TMC1: variants seen among roughly 807,000 people sequenced by gnomAD.
The protein encoded by TMC1 is transmembrane channel like 1.
In TMC1, 84 loss-of-function variants were observed where a neutral mutation model predicts 105.8. That is an observed-to-expected ratio of 0.79 (90% CI 0.67 to 0.95). TMC1 has a LOEUF of 0.95. Ranked by LOEUF, TMC1 falls within the 40% of genes least tolerant of loss-of-function variation. The pLI is 0.00. For missense variants in TMC1, 817 were observed against 914.1 expected, an observed-to-expected ratio of 0.89 and a Z score of 1.37; for synonymous variants, 315 against 311.5, an observed-to-expected ratio of 1.01 and a Z score of -0.12.
At chr9:72,659,492 G>A (rs1279160264) in intron 5 of TMC1, among the ~76,000 whole-genome samples, 4 of 152,158 alleles carry the variant, frequency 2.6e-5, no homozygotes, top group Non-Finnish European at 1.5e-5. Context: ...AAATTAGCCA[G>A]GTGTGGTGGC....
chr9:72,668,839 T>C (rs927205462), intron 5 of TMC1, among the ~76,000 whole-genome samples: 2 of 152,228 alleles, frequency 1.3e-5, no homozygotes, highest in African/African-American at 2.4e-5. Flanking sequence ...CACAGGGCTA[T>C]GTTTTATAAC....
At chr9:72,704,183 C>G (rs1826693993) in intron 8 of TMC1, among the ~76,000 whole-genome samples, 1 of 152,044 alleles carries the variant, frequency 6.6e-6, no homozygotes, top group Non-Finnish European at 1.5e-5. Context: ...TTAATATTCC[C>G]CAAATTAGCC....
chr9:72,787,387 A>G lies in TMC1; in HGVS notation c.885-952A>G, dbSNP rs185986863. 1.2e-3 allele frequency among the ~76,000 whole-genome samples: 188 copies of G among 152,306 alleles called. 1 individual carries two copies. Among genetic ancestry groups the G allele is most frequent in the African/African-American group, 4.3e-3 (180 of 41,570 alleles). On this transcript the variant is annotated intron_variant, in intron 13 of 23. Coordinates refer to ENST00000297784, the MANE Select transcript of TMC1 (RefSeq NM_138691.3). ...TGTGGCTAATAGTGGGGGAATGTAG[A>G]TGATCTAGAGATACCGGTCAACCTA... is the stretch of plus-strand genomic sequence containing the variant.
chr9:72,826,836 A>G (rs755388902), intron 20 of TMC1, 33 bp from the exon 21 acceptor site: 3 of 1,612,484 alleles, frequency 1.9e-6, no homozygotes, highest in Admixed American at 1.7e-5. Flanking sequence ...TATGTTCTTA[A>G]TAAACTTATC....
At chr9:72,579,687 T>C (rs1824444120) in intron 2 of TMC1, among the ~76,000 whole-genome samples, 1 of 152,172 alleles carries the variant, frequency 6.6e-6, no homozygotes, top group Non-Finnish European at 1.5e-5. Flanking sequence ...TATTCAATCT[T>C]CACAACAGTC....
chr9:72,657,053 A>T (rs1825895218), intron 5 of TMC1, among the ~76,000 whole-genome samples: 1 of 152,244 alleles, frequency 6.6e-6, no homozygotes, highest in Non-Finnish European at 1.5e-5. Context: ...GTTACCACAC[A>T]TCTATGCACA....
chr9:72,805,136 T>C, intron 17 of TMC1: 1 of 379,236 alleles, frequency 2.6e-6, no homozygotes, highest in Non-Finnish European at 4.8e-6. Flanking sequence ...TCTCGTATCA[T>C]GTTTATGAAA....
intron 1 of TMC1, among the ~76,000 whole-genome samples, chr9:72,571,987 C>T (rs1159658542): frequency 6.6e-6 from 1 of 151,920 alleles, no homozygotes; most frequent in Non-Finnish European, 1.5e-5. Flanking sequence ...CAGGCATGTA[C>T]TACCACACTC....
At chr9:72,637,282 C>A (rs17058052) in intron 4 of TMC1, among the ~76,000 whole-genome samples, 14,604 of 151,112 alleles carry the variant, frequency 0.097, 853 homozygotes, top group African/African-American at 0.15. Context: ...AGAAGTCTAC[C>A]ATAGAGATCC....
At chr9:72,711,989 C>T (rs1826845020) in intron 8 of TMC1, among the ~76,000 whole-genome samples, 1 of 152,164 alleles carries the variant, frequency 6.6e-6, no homozygotes, top group Non-Finnish European at 1.5e-5. Flanking sequence ...CTGCATATGG[C>T]TAGCCAGTTT....
Position 72,700,543 on chromosome 9 carries a change from GA to G in TMC1, c.264del (p.Glu88AspfsTer5). ...GAEEEEIDEE[E>X]LERLKAELDE... is the part of the protein sequence containing the mutation. ...AGAAGAAGAAGAAATTGATGAAGAGGAATTGGAAAGATTGAAGGCAGAGTTA... is the reference window on the plus strand; with the variant it reads ...AGAAGAAGAAGAAATTGATGAAGAGGATTGGAAAGATTGAAGGCAGAGTTA... On this transcript the variant is annotated frameshift_variant, in exon 8 of 24. Coordinates refer to ENST00000297784, the MANE Select transcript of TMC1 (RefSeq NM_138691.3). LOFTEE classifies it high-confidence loss of function. 1 of 1,598,612 alleles carries G rather than the reference GA, an allele frequency of 6.3e-7. No homozygotes were observed. Among genetic ancestry groups the G allele is most frequent in the Non-Finnish European group, 8.6e-7 (1 of 1,169,538 alleles).
Position 72,627,962 on chromosome 9 carries a change from C to T in TMC1, c.-154C>T. ...AAAATGGAAAACCCCCTGTGCTTCA[C>T]ATCTGAAAATCTCTGCTGGGGGCAG... On this transcript the variant is annotated 5_prime_UTR_variant, in exon 4 of 24. Transcript: ENST00000297784. The T allele has an allele frequency of 2.2e-6, 1 of 453,030 alleles. No individual in the cohort carries two copies. The highest frequency in any genetic ancestry group is 1.6e-5 in the South Asian group (1 of 63,978). The allele number at this position is 453,030 out of a possible 1,614,324, so 28.1% of individuals were successfully genotyped here.
intron 5 of TMC1, among the ~76,000 whole-genome samples, chr9:72,663,006 T>C (rs1379837740): frequency 6.6e-6 from 1 of 152,222 alleles, no homozygotes; most frequent in Non-Finnish European, 1.5e-5. Context: ...GAACCAGGAA[T>C]TGCAGTAGAG....
intron 2 of TMC1, among the ~76,000 whole-genome samples, chr9:72,610,181 C>A (rs1475088836): frequency 1.4e-4 from 21 of 151,930 alleles, no homozygotes; most frequent in Non-Finnish European, 8.8e-5. Flanking sequence ...AGTATTACAC[C>A]CTGTTAGAGA....
At chr9:72,700,118 G>A (rs1826617547) in intron 7 of TMC1, among the ~76,000 whole-genome samples, 1 of 151,690 alleles carries the variant, frequency 6.6e-6, no homozygotes, top group Non-Finnish European at 1.5e-5. Context: ...AGCTGGGCTA[G>A]GTGGTGGGCG....
At chr9:72,749,193 G>C (rs984796998) in intron 10 of TMC1, among the ~76,000 whole-genome samples, 10 of 152,280 alleles carry the variant, frequency 6.6e-5, no homozygotes, top group Non-Finnish European at 8.8e-5. Context: ...TTGTGTGTAG[G>C]TGCTGAGAGG....
intron 8 of TMC1, among the ~76,000 whole-genome samples, chr9:72,727,656 T>C (rs1827144738): frequency 1.3e-5 from 2 of 152,148 alleles, no homozygotes; most frequent in Non-Finnish European, 2.9e-5. Flanking sequence ...AGACAGAGTT[T>C]CCTTCTTATT....
At chr9:72,748,613 A>G (rs1827530320) in intron 10 of TMC1, among the ~76,000 whole-genome samples, 1 of 152,154 alleles carries the variant, frequency 6.6e-6, no homozygotes. Flanking sequence ...ATGCTCTTTT[A>G]GTCACACTAA....
At position 72,538,603 on chromosome 9, in the gene TMC1, A is replaced by AT. The variant is rs1452562422; in HGVS notation, c.-428+16697dup. Among the ~76,000 whole-genome samples the AT allele has an allele frequency of 1.1e-4, 16 of 151,816 alleles. No homozygotes were observed. In the East Asian group the frequency reaches 2.9e-3, roughly 28 times the overall value. ...AGGTGTCCACCACCATGCCTGGCTA[A>AT]TTTTTTTGTATTTTTAGTAGAGATG... On this transcript the variant is annotated intron_variant, in intron 1 of 23. Transcript: ENST00000297784.
Sources: gnomAD v4.1 joint callset for allele counts (sites outside exome capture counted in the v4.1 genomes callset) on GRCh38, gnomAD v4.1.1 for gene constraint, MANE v1.5 for transcripts, NCBI Gene and HGNC (gene_info 2026-07-23, HGNC 2026-07-21) for gene names.